Variants in PASK observed in about 807,000 individuals in gnomAD.
The protein encoded by PASK is PAS domain containing serine/threonine kinase.
Under a neutral mutation model 121.0 loss-of-function variants are expected in PASK, and 110 were observed. The ratio of observed to expected loss-of-function variants is 0.91; its 90% confidence interval spans 0.78 to 1.06. The LOEUF (loss-of-function observed/expected upper bound fraction) is 1.06, where lower values mean the gene tolerates loss of function less well. Among genes scored for constraint, PASK ranks in the 50% least tolerant of loss-of-function variants. The pLI is 0.00. For synonymous variants in PASK, 686 were observed against 717.8 expected, an observed-to-expected ratio of 0.96 and a Z score of 0.71; for missense variants, 1,643 against 1,702.3, an observed-to-expected ratio of 0.97 and a Z score of 0.61.
chr2:241,145,203 G>A (rs1317269255), intron 1 of PASK, among the ~76,000 whole-genome samples: 5 of 152,104 alleles, frequency 3.3e-5, no homozygotes, highest in Admixed American at 6.6e-5. Context: ...GTGAGCCACC[G>A]CGCCCGGCCG....
chr2:241,139,162 T>C (rs1361400404), intron 4 of PASK, among the ~76,000 whole-genome samples: 1 of 152,206 alleles, frequency 6.6e-6, no homozygotes, highest in Non-Finnish European at 1.5e-5. Context: ...CAATTGGTCC[T>C]AAGCCTGTGA....
chr2:241,140,383 C>T, intron 3 of PASK, 138 bp downstream of exon 3: 2 of 741,222 alleles, frequency 2.7e-6, no homozygotes, highest in Non-Finnish European at 4.8e-6. Context: ...GTCTTGAACT[C>T]CTGGGCTCAA....
In PASK at chr2:241,114,725, G is replaced by A. The variant is rs533354417; in HGVS notation, c.3333+318C>T. 13 of 1,350,100 alleles carry A rather than the reference G, an allele frequency of 9.6e-6. No individual in the cohort carries two copies. The African/African-American group carries it at 1.5e-4, about 15-fold the overall frequency. The allele number at this position is 1,350,100 out of a possible 1,614,324, so 83.6% of individuals were successfully genotyped here. A position where few individuals can be genotyped will look rare whatever the true frequency, so the allele number is the denominator to read the frequency against. ...CATGCCTTTGAGACGCTCTCTGGCTGCATCCTAACCCTTACTGGTTAATTT... is the reference window on the plus strand; with the variant it reads ...CATGCCTTTGAGACGCTCTCTGGCTACATCCTAACCCTTACTGGTTAATTT... On this transcript the variant is annotated intron_variant, in intron 14 of 17. Coordinates refer to ENST00000234040, the MANE Select transcript of PASK (RefSeq NM_015148.4).
At chr2:241,139,824 G>A in intron 4 of PASK, 61 bp downstream of exon 4, 2 of 1,526,560 alleles carry the variant, frequency 1.3e-6, no homozygotes, top group Non-Finnish European at 9.1e-7. Flanking sequence ...ACACTGAGCT[G>A]TTCCTGCCAC....
chr2:241,124,230 C>A, intron 10 of PASK, 97 bp from the exon 11 acceptor site: 1 of 949,480 alleles, frequency 1.1e-6, no homozygotes, highest in Non-Finnish European at 1.6e-6. Context: ...TGCAACAGTC[C>A]AATCCCCAGC....
In PASK at chr2:241,112,794, A is replaced by T. The variant is rs2065163591; in HGVS notation, c.3334-355T>A. 9.6e-6 allele frequency: 3 copies of T among 311,540 alleles called. No individual in the cohort carries two copies. The highest frequency in any genetic ancestry group is 8.8e-5 in the South Asian group (3 of 34,154). The allele number at this position is 311,540 out of a possible 1,614,324, so 19.3% of individuals were successfully genotyped here. ...AAGACAGGCCACAAAGCCACAGCTC[A>T]AAGACACTCATGGTGGGCAAGTGAA... is the stretch of plus-strand genomic sequence containing the variant. On this transcript the variant is annotated intron_variant, in intron 14 of 17. Coordinates refer to ENST00000234040, the MANE Select transcript of PASK (RefSeq NM_015148.4). This position sits in a 1 kb window ranked among gnomAD's most constrained non-coding sequence, Gnocchi z 5.2.
chr2:241,139,852 G>C, intron 4 of PASK, 33 bp downstream of exon 4: 1 of 1,608,922 alleles, frequency 6.2e-7, no homozygotes. Context: ...TGGTCTTGAG[G>C]CCAGACTGAA....
intron 8 of PASK, chr2:241,134,077 A>G (rs1211825675): frequency 6.6e-6 from 1 of 152,088 alleles, no homozygotes; most frequent in Non-Finnish European, 1.5e-5. Context: ...GTGGTTCGGC[A>G]TAACTTCTCC....
At chr2:241,110,087 G>A (rs2065045399) in intron 15 of PASK, among the ~76,000 whole-genome samples, 1 of 152,252 alleles carries the variant, frequency 6.6e-6, no homozygotes, top group Non-Finnish European at 1.5e-5. Context: ...AGATGAATAA[G>A]TACAGCATAT....
intron 6 of PASK, among the ~76,000 whole-genome samples, 158 bp downstream of exon 6, chr2:241,137,795 C>G (rs2066509674): frequency 6.6e-6 from 1 of 152,218 alleles, no homozygotes; most frequent in Non-Finnish European, 1.5e-5. Flanking sequence ...GGCTCCGGCC[C>G]TTGGTCAAGG....
At chr2:241,119,665 T>A (rs992119527) in intron 12 of PASK, among the ~76,000 whole-genome samples, 1 of 152,006 alleles carries the variant, frequency 6.6e-6, no homozygotes, top group Non-Finnish European at 1.5e-5. Flanking sequence ...AGAGACAGGG[T>A]TTCACCGTGT....
rs141477262 is a variant in PASK at position 241,136,099 on chromosome 2, G to A, written c.1138-60C>T. ...AGGATCCACGCTGACCCACTGGACCGTCCCCCTGGGGGAGGAATGAACACA... is the reference window on the plus strand; with the variant it reads ...AGGATCCACGCTGACCCACTGGACCATCCCCCTGGGGGAGGAATGAACACA... On this transcript the variant is annotated intron_variant, in intron 7 of 17. Coordinates refer to ENST00000234040, the MANE Select transcript of PASK (RefSeq NM_015148.4). 2.0e-4 allele frequency: 279 copies of A among 1,422,896 alleles called. 1 individual carries two copies. In the South Asian group the frequency reaches 2.3e-3, roughly 12 times the overall value. 88.1% of individuals were successfully genotyped at this position (1,422,896 alleles called of 1,614,324 possible).
In PASK at chr2:241,132,926, G is replaced by A. The variant is rs1263177635; in HGVS notation, c.1411C>T (p.Leu471=). The A allele has an allele frequency of 6.2e-7, 1 of 1,613,872 alleles. No homozygotes were observed. Among genetic ancestry groups the A allele is most frequent in the African/African-American group, 1.3e-5 (1 of 74,916 alleles). Reference sequence around the variant, plus strand: ...GAAAGGAGCTGGCCTCCAGCAATCAGCTCAGTCTGAGTCCCGGTGAAGATG... The same window carrying A: ...GAAAGGAGCTGGCCTCCAGCAATCAACTCAGTCTGAGTCCCGGTGAAGATG... ...QDIFTGTQTE[L]IAGGQLLSCL... Residue 471 remains leucine (L), a synonymous_variant, in exon 9 of 18, where the codon CTG becomes TTG. Coordinates refer to ENST00000234040, the MANE Select transcript of PASK (RefSeq NM_015148.4).
chr2:241,120,914 C>T (rs919154510), intron 12 of PASK, among the ~76,000 whole-genome samples: 1 of 152,078 alleles, frequency 6.6e-6, no homozygotes, highest in Non-Finnish European at 1.5e-5. Context: ...AAAATGGAAA[C>T]AACACAAATG....
chr2:241,138,437 T>C (rs1213746212), intron 5 of PASK, among the ~76,000 whole-genome samples: 1 of 152,238 alleles, frequency 6.6e-6, no homozygotes, highest in Non-Finnish European at 1.5e-5. Context: ...TGAGGAGTTA[T>C]GATTATGCCC....
At chr2:241,144,086 G>C (rs542743040) in intron 1 of PASK, among the ~76,000 whole-genome samples, 1 of 152,292 alleles carries the variant, frequency 6.6e-6, no homozygotes, top group African/African-American at 2.4e-5. Context: ...CTGCAGGTGT[G>C]TGTGTGTGTG....
chr2:241,127,280 G>A lies in PASK; in HGVS notation c.1635C>T (p.Ser545=). The change falls in exon 10 of 18, where the codon TCC becomes TCT. Residue 545 remains serine (S), a synonymous_variant. Coordinates refer to ENST00000234040, the MANE Select transcript of PASK (RefSeq NM_015148.4). ...GGACTGGAGCTTCAGAATCTTCGCA[G>A]GAAGCAAATGGCTTCACATCCACTG... is the stretch of plus-strand genomic sequence containing the variant. The part of the protein sequence containing the change: ...SEPVDVKPFA[S]CEDSEAPVPA... 2 of 1,614,206 alleles carry A rather than the reference G, an allele frequency of 1.2e-6. No homozygotes were observed. Among genetic ancestry groups the A allele is most frequent in the Non-Finnish European group, 1.7e-6 (2 of 1,180,020 alleles).
intron 9 of PASK, among the ~76,000 whole-genome samples, chr2:241,129,161 C>T (rs968072330): frequency 5.1e-4 from 77 of 152,228 alleles, no homozygotes; most frequent in African/African-American, 1.7e-3. Flanking sequence ...AGACAGGAGG[C>T]GAATGCACAC....
At chr2:241,133,885 G>C (rs928774566) in intron 8 of PASK, 1 of 151,760 alleles carries the variant, frequency 6.6e-6, no homozygotes, top group African/African-American at 2.4e-5. Flanking sequence ...GGAAGGCTGG[G>C]ACAGGAGAAT....
Sources: gnomAD v4.1 joint callset for allele counts (sites outside exome capture counted in the v4.1 genomes callset) on GRCh38, gnomAD v4.1.1 for gene constraint, Gnocchi (gnomAD v3.1) non-coding constraint, MANE v1.5 for transcripts, NCBI Gene and HGNC (gene_info 2026-07-23, HGNC 2026-07-21) for gene names.